Variants in TRIM24 observed in about 807,000 individuals in gnomAD.
The protein encoded by TRIM24 is transcription intermediary factor 1-alpha.
A neutral mutation model predicts 123.9 loss-of-function variants in TRIM24; 29 were observed. That is an observed-to-expected ratio of 0.23 (90% CI 0.17 to 0.32). TRIM24 has a LOEUF of 0.32. TRIM24 is among the 10% of genes least tolerant of loss of function. TRIM24 has a pLI of 1.00. For missense variants in TRIM24, 932 were observed against 1,295.3 expected (o/e 0.72, Z 4.31); for synonymous variants, 456 against 461.1 (o/e 0.99, Z 0.14).
At chr7:138,463,989 C>CTTTTTTTTTTTTTGTTTTTTTTTTTTT (rs1795073273) in intron 1 of TRIM24, among the ~76,000 whole-genome samples, 1 of 50,766 alleles carries the variant, frequency 2.0e-5, no homozygotes, top group Non-Finnish European at 3.6e-5. Flanking sequence ...AAAATTTAGA[C>CTTTTTTTTTTTTTGTTTTTTTTTTTTT]TTTTTTTTTT....
chr7:138,483,676 G>C (rs1795580986), intron 1 of TRIM24, among the ~76,000 whole-genome samples: 1 of 152,174 alleles, frequency 6.6e-6, no homozygotes, highest in African/African-American at 2.4e-5. Flanking sequence ...TATAGCCCTG[G>C]GGAGGACACT....
At chr7:138,518,780 C>T (rs1796449524) in intron 3 of TRIM24, among the ~76,000 whole-genome samples, 2 of 152,130 alleles carry the variant, frequency 1.3e-5, no homozygotes, top group Admixed American at 1.3e-4. Flanking sequence ...TGACTACAAG[C>T]GTGGGCCACT....
chr7:138,561,540 G>C (rs1251216155), intron 9 of TRIM24, among the ~76,000 whole-genome samples: 3 of 152,166 alleles, frequency 2.0e-5, no homozygotes, highest in African/African-American at 7.2e-5. Context: ...GCAGTACCTG[G>C]ATGGTCAGTT....
At chr7:138,533,504 T>C (rs1055024265) in intron 6 of TRIM24, among the ~76,000 whole-genome samples, 8 of 152,266 alleles carry the variant, frequency 5.3e-5, no homozygotes, top group African/African-American at 1.9e-4. Flanking sequence ...TCTGTTTATA[T>C]GCTGGATTAC....
chr7:138,483,667 A>G (rs1200635619), intron 1 of TRIM24, among the ~76,000 whole-genome samples: 2 of 152,236 alleles, frequency 1.3e-5, no homozygotes, highest in Non-Finnish European at 2.9e-5. Context: ...ATAGACTTGT[A>G]TAGCCCTGGG....
At chr7:138,474,207 ACT>A (rs1389150280) in intron 1 of TRIM24, among the ~76,000 whole-genome samples, 1 of 145,680 alleles carries the variant, frequency 6.9e-6, no homozygotes, top group East Asian at 2.1e-4. Context: ...CTCACTGCAA[ACT>A]CTGCCTCCCG....
chr7:138,529,794 C>G (rs1796690955), intron 6 of TRIM24, among the ~76,000 whole-genome samples: 1 of 152,124 alleles, frequency 6.6e-6, no homozygotes, highest in South Asian at 2.1e-4. Context: ...AGGTCAAGAT[C>G]CAAACTTGGT....
intron 9 of TRIM24, among the ~76,000 whole-genome samples, chr7:138,556,095 CATGTAATTTCCT>C (rs1797311290): frequency 6.6e-6 from 1 of 152,062 alleles, no homozygotes; most frequent in African/African-American, 2.4e-5. Flanking sequence ...AAAGCTTTTC[CATGTAATTTCCT>C]AAGTATGTTC....
chr7:138,536,270 C>T (rs1366590929), intron 6 of TRIM24, among the ~76,000 whole-genome samples: 1 of 152,176 alleles, frequency 6.6e-6, no homozygotes, highest in Non-Finnish European at 1.5e-5. Flanking sequence ...GAGCTGCGTT[C>T]CTTTGGAGGG....
intron 14 of TRIM24, among the ~76,000 whole-genome samples, chr7:138,578,147 C>T (rs1584748668): frequency 6.6e-6 from 1 of 151,930 alleles, no homozygotes; most frequent in African/African-American, 2.4e-5. Flanking sequence ...GTGAGAATAA[C>T]ATAGAAATAG....
intron 1 of TRIM24, among the ~76,000 whole-genome samples, chr7:138,462,398 T>A (rs1188361974): frequency 3.4e-5 from 5 of 148,104 alleles, no homozygotes; most frequent in Middle Eastern, 7.0e-3. Context: ...TGGAGTGCAG[T>A]GGCGCGATCT....
chr7:138,577,720 C>T, intron 14 of TRIM24, 132 bp downstream of exon 14: 1 of 753,006 alleles, frequency 1.3e-6, no homozygotes, highest in Non-Finnish European at 1.9e-6. Context: ...GGGAATCTCT[C>T]AGTAAATTAA....
intron 1 of TRIM24, among the ~76,000 whole-genome samples, chr7:138,482,000 C>T (rs926031838): frequency 6.6e-6 from 1 of 152,072 alleles, no homozygotes; most frequent in Non-Finnish European, 1.5e-5. Context: ...TGCTCTACAC[C>T]GCCGTGCTTA....
chr7:138,503,620 T>G (rs1308103721), intron 1 of TRIM24, among the ~76,000 whole-genome samples: 1 of 151,312 alleles, frequency 6.6e-6, no homozygotes, highest in African/African-American at 2.4e-5. Flanking sequence ...CAAGTTTATA[T>G]TAGAGTTTTT....
At chr7:138,516,257 G>A (rs1426609491) in intron 3 of TRIM24, among the ~76,000 whole-genome samples, 2 of 152,124 alleles carry the variant, frequency 1.3e-5, no homozygotes. Flanking sequence ...AGCCGAGATC[G>A]CACCACTGCA....
intron 1 of TRIM24, among the ~76,000 whole-genome samples, chr7:138,483,486 A>G (rs1795576220): frequency 6.6e-6 from 1 of 152,260 alleles, no homozygotes; most frequent in Admixed American, 6.5e-5. Flanking sequence ...GGAAGCTTCA[A>G]CATTACACCA....
At chr7:138,499,461 C>T (rs1795985468) in intron 1 of TRIM24, among the ~76,000 whole-genome samples, 1 of 152,178 alleles carries the variant, frequency 6.6e-6, no homozygotes, top group African/African-American at 2.4e-5. Context: ...GCATTCATTG[C>T]AAATCGGTCC....
At position 138,551,046 on chromosome 7, in the gene TRIM24, T is replaced by C. The variant is rs756563930; in HGVS notation, c.1144-17T>C. ...ATTATTTGCCTAATATTTAGTTATC[T>C]CTCCTTTTTCTTCTAGATTACATAC... On this transcript the variant is annotated splice_polypyrimidine_tract_variant and intron_variant, in intron 7 of 18. Transcript: ENST00000343526. 1 of 1,602,918 alleles carries C rather than the reference T, an allele frequency of 6.2e-7. No individual in the cohort carries two copies. The highest frequency in any genetic ancestry group is 8.5e-7 in the Non-Finnish European group (1 of 1,171,038).
intron 9 of TRIM24, among the ~76,000 whole-genome samples, chr7:138,555,367 T>C (rs995782606): frequency 6.6e-6 from 1 of 152,164 alleles, no homozygotes; most frequent in Non-Finnish European, 1.5e-5. Flanking sequence ...ATCTTAGAAA[T>C]TAAGGCAGAG....
Sources: allele counts gnomAD v4.1 joint callset (sites outside exome capture counted in the v4.1 genomes callset), GRCh38; gene constraint gnomAD v4.1.1; transcripts MANE v1.5; gene names NCBI Gene and HGNC (gene_info 2026-07-23, HGNC 2026-07-21).